Variants in CEP126 observed in about 807,000 individuals in gnomAD.
CEP126 encodes the protein centrosomal protein of 126 kDa.
In CEP126, 74 loss-of-function variants were observed where a neutral mutation model predicts 107.8. The ratio of observed to expected loss-of-function variants is 0.69; its 90% confidence interval spans 0.57 to 0.83. The LOEUF is 0.83. Among genes scored for constraint, CEP126 ranks in the 40% least tolerant of loss-of-function variants. The probability of loss-of-function intolerance (pLI) is 0.00; values close to 1 mark genes in which losing one functional copy is unlikely to be tolerated. For synonymous variants in CEP126, 449 were observed against 446.0 expected (o/e 1.01, Z -0.08); for missense variants, 1,237 against 1,281.9 (o/e 0.96, Z 0.53).
At chr11:101,964,424 G>A (rs1941034712) in intron 6 of CEP126, among the ~76,000 whole-genome samples, 1 of 151,310 alleles carries the variant, frequency 6.6e-6, no homozygotes, top group Admixed American at 6.6e-5. Flanking sequence ...ACTTGAAGTT[G>A]GAAGTTCGAG....
At chr11:101,954,853 T>C (rs1012052203) in intron 4 of CEP126, among the ~76,000 whole-genome samples, 4 of 152,164 alleles carry the variant, frequency 2.6e-5, no homozygotes, top group African/African-American at 9.6e-5. Context: ...GGTGTTAGGT[T>C]AATGGACATA....
intron 6 of CEP126, among the ~76,000 whole-genome samples, chr11:101,964,727 CT>C (rs1196119465): frequency 1.3e-5 from 2 of 151,848 alleles, no homozygotes; most frequent in South Asian, 2.1e-4. Context: ...AAATTAGAAA[CT>C]TTTGCCAGCC....
In CEP126 at chr11:101,964,025, G is replaced by A. The variant is rs540911068; in HGVS notation, c.2845+145G>A. On this transcript the variant is annotated intron_variant, in intron 6 of 10. Coordinates refer to ENST00000263468, the MANE Select transcript of CEP126 (RefSeq NM_020802.4). ...CTTTATAGAAATAACTTACCTCCAGGCCAAGCACAGTGGCTTACACCTGTA... is the reference window on the plus strand; with the variant it reads ...CTTTATAGAAATAACTTACCTCCAGACCAAGCACAGTGGCTTACACCTGTA... 9.2e-5 allele frequency: 58 copies of A among 630,966 alleles called. No individual in the cohort carries two copies. The South Asian group carries it at 1.2e-3, about 13-fold the overall frequency. The allele number at this position is 630,966 out of a possible 1,614,324, so 39.1% of individuals were successfully genotyped here.
chr11:101,916,899 G>A (rs1214397897), intron 1 of CEP126, among the ~76,000 whole-genome samples: 1 of 151,984 alleles, frequency 6.6e-6, no homozygotes, highest in African/African-American at 2.4e-5. Context: ...TCCAGAATTA[G>A]AATGACATTT....
At chr11:101,958,688 C>G (rs1940932733) in intron 5 of CEP126, among the ~76,000 whole-genome samples, 1 of 152,042 alleles carries the variant, frequency 6.6e-6, no homozygotes. Flanking sequence ...GTAATCTATC[C>G]CTAGTAGGGC....
intron 6 of CEP126, among the ~76,000 whole-genome samples, chr11:101,969,542 G>C (rs1195763354): frequency 6.6e-6 from 1 of 152,188 alleles, no homozygotes; most frequent in Non-Finnish European, 1.5e-5. Flanking sequence ...GTATTAAAAA[G>C]AAGGCAATTC....
At chr11:101,951,339 A>G (rs1440283432) in intron 4 of CEP126, among the ~76,000 whole-genome samples, 1 of 151,970 alleles carries the variant, frequency 6.6e-6, no homozygotes, top group East Asian at 1.9e-4. Flanking sequence ...CCCCATCTCT[A>G]CACACACACA....
At chr11:101,979,689 G>GT (rs2137125635) in intron 7 of CEP126, among the ~76,000 whole-genome samples, 1 of 152,288 alleles carries the variant, frequency 6.6e-6, no homozygotes, top group South Asian at 2.1e-4. Flanking sequence ...AGTAAGCTAT[G>GT]ACTGTGCCAC....
intron 10 of CEP126, among the ~76,000 whole-genome samples, chr11:101,995,707 T>C (rs147223576): frequency 2.8e-4 from 42 of 152,332 alleles, no homozygotes; most frequent in African/African-American, 9.6e-4. Context: ...TGGACTTCTC[T>C]TAGTCACCAA....
chr11:101,984,511 A>G (rs567346441), intron 8 of CEP126, among the ~76,000 whole-genome samples: 1 of 152,244 alleles, frequency 6.6e-6, no homozygotes. Flanking sequence ...CAATGATGAA[A>G]TAGCCAAAAG....
intron 7 of CEP126, among the ~76,000 whole-genome samples, chr11:101,979,072 C>T (rs11225096): frequency 0.057 from 8,632 of 151,846 alleles, 474 homozygotes; most frequent in East Asian, 0.27. Context: ...GCGGAGGTTA[C>T]AGTGAGCTGA....
chr11:101,937,044 T>C (rs1350729456), intron 2 of CEP126, among the ~76,000 whole-genome samples: 2 of 152,228 alleles, frequency 1.3e-5, no homozygotes, highest in Non-Finnish European at 2.9e-5. Flanking sequence ...ATCTTGGGAA[T>C]GAGACTCAAG....
chr11:101,948,502 G>A (rs1487118705), intron 4 of CEP126, among the ~76,000 whole-genome samples: 3 of 152,122 alleles, frequency 2.0e-5, no homozygotes, highest in Admixed American at 6.6e-5. Flanking sequence ...GGTAAAAAGA[G>A]TAATTTTATG....
chr11:101,956,584 T>C (rs1482061511), intron 4 of CEP126: 2 of 456,288 alleles, frequency 4.4e-6, no homozygotes, highest in East Asian at 1.4e-4. Flanking sequence ...GTATACTGTT[T>C]TCTTCCTCCT....
At position 101,944,361 on chromosome 11, in the gene CEP126, T is replaced by C; in HGVS notation, c.345T>C (p.Thr115=). The change falls in exon 3 of 11, where the codon ACT becomes ACC. Residue 115 remains threonine (T), a synonymous_variant. Transcript: ENST00000263468. The part of the protein sequence containing the change: ...QQRKQKFEEV[T]EKFQRAHVPL... Reference sequence around the variant, plus strand: ...GAAAACAGAAGTTTGAAGAAGTTACTGAAAAATTCCAGCGTGCCCATGTTC... The same window carrying C: ...GAAAACAGAAGTTTGAAGAAGTTACCGAAAAATTCCAGCGTGCCCATGTTC... The C allele has an allele frequency of 6.2e-7, 1 of 1,612,094 alleles. No individual in the cohort carries two copies. Among genetic ancestry groups the C allele is most frequent in the Non-Finnish European group, 8.5e-7 (1 of 1,179,282 alleles).
At chr11:101,956,060 A>C (rs188259852) in intron 4 of CEP126, 2 of 456,648 alleles carry the variant, frequency 4.4e-6, no homozygotes, top group East Asian at 1.4e-4. Flanking sequence ...CATTTCTAGC[A>C]GTTTCCCTCG....
In CEP126 at chr11:101,925,814, C is replaced by T. The variant is rs373256876; in HGVS notation, c.248+3054C>T. 7.8e-5 allele frequency among the ~76,000 whole-genome samples: 11 copies of T among 141,302 alleles called. No individual in the cohort carries two copies. The East Asian group carries it at 1.5e-3, about 19-fold the overall frequency. 92.7% of individuals were successfully genotyped at this position (141,302 alleles called of 152,430 possible). On this transcript the variant is annotated intron_variant, in intron 2 of 10. Coordinates refer to ENST00000263468, the MANE Select transcript of CEP126 (RefSeq NM_020802.4). ...GGATTACAGGCGCCCGTCACCATGC[C>T]CGGCTAATTTTTGTATTTTTAGTAA... is the stretch of plus-strand genomic sequence containing the variant.
chr11:101,919,708 T>A (rs1006278313), intron 1 of CEP126, among the ~76,000 whole-genome samples: 1 of 152,360 alleles, frequency 6.6e-6, no homozygotes, highest in African/African-American at 2.4e-5. Context: ...TTTGGTTAAA[T>A]TGAAGACTAT....
chr11:101,993,578 G>A (rs2137137397), intron 10 of CEP126, among the ~76,000 whole-genome samples: 1 of 152,262 alleles, frequency 6.6e-6, no homozygotes, highest in South Asian at 2.1e-4. Flanking sequence ...CCGATAATGG[G>A]ATTGCTGGGT....
Sources: gnomAD v4.1 joint callset for allele counts (sites outside exome capture counted in the v4.1 genomes callset) on GRCh38, gnomAD v4.1.1 for gene constraint, MANE v1.5 for transcripts, NCBI Gene and HGNC (gene_info 2026-07-23, HGNC 2026-07-21) for gene names.